LTK: variants seen among roughly 807,000 people sequenced by gnomAD.
The protein encoded by LTK is leukocyte receptor tyrosine kinase.
LTK carries 117 observed loss-of-function variants against 101.5 expected under a neutral mutation model. That is an observed-to-expected ratio of 1.15 (90% CI 0.99 to 1.34). The LOEUF is 1.34. LTK is among the 40% of genes most tolerant of loss of function. LTK has a pLI of 0.00. For synonymous variants in LTK, 563 were observed against 494.2 expected (o/e 1.14, Z -1.85); for missense variants, 1,252 against 1,164.7 (o/e 1.07, Z -1.09).
rs200347907 is a variant in LTK at position 41,512,206 on chromosome 15, T to C, written c.419A>G (p.His140Arg). Residue 140 changes from histidine (H) to arginine (R), a missense_variant, in exon 4 of 20, where the codon CAT (histidine) becomes CGT (arginine). Physicochemically the swap from His to Arg is conservative, Grantham distance 29. Coordinates refer to ENST00000263800, the MANE Select transcript of LTK (RefSeq NM_002344.6). ...GAAGATTGCTGAGACGAAGACGCCA[T>C]GCGCCCGCGACAGGTGGTTCTTGGC... ...KGAKNHLSRA[H>R]GVFVSAIFSL... 3.1e-6 allele frequency: 5 copies of C among 1,612,740 alleles called. No homozygotes were observed. Among genetic ancestry groups the C allele is most frequent in the Non-Finnish European group, 4.2e-6 (5 of 1,179,804 alleles).
In LTK at chr15:41,504,501, C is replaced by T. The variant is rs781055433; in HGVS notation, c.2255+5G>A. 2.1e-5 allele frequency: 34 copies of T among 1,613,042 alleles called. No individual in the cohort carries two copies. The highest frequency in any genetic ancestry group is 2.3e-5 in the Non-Finnish European group (27 of 1,179,484). On this transcript the variant is annotated splice_donor_5th_base_variant and intron_variant, in intron 18 of 19. Coordinates refer to ENST00000263800, the MANE Select transcript of LTK (RefSeq NM_002344.6). ...ACCTCCCTTCCCGGGCAGCACTCAA[C>T]TCACACAGGCCCTGGGCAGCCCCTA... is the stretch of plus-strand genomic sequence containing the variant.
chr15:41,508,454 C>CG (rs3837681), intron 8 of LTK, among the ~76,000 whole-genome samples: 99,040 of 151,534 alleles, frequency 0.65, 33,197 homozygotes, highest in African/African-American at 0.81. Context: ...GCTACTCCAG[C>CG]ACTGAGGCTG....
intron 14 of LTK, 25 bp downstream of exon 14, chr15:41,505,376 G>GA (rs1555390058): frequency 2.0e-6 from 3 of 1,526,274 alleles, no homozygotes; most frequent in East Asian, 5.0e-5. Context: ...AGAGGGGCCT[G>GA]GGGGGGCTAA....
rs369559975 is a variant in LTK at position 41,504,897 on chromosome 15, G to C, written c.2019-23C>G. ...GCCCTACAGGAGGGAGGAGGTGAAT[G>C]ATGAGTTGTTCACCACCAAGGTGCG... On this transcript the variant is annotated intron_variant, in intron 16 of 19. Coordinates refer to ENST00000263800, the MANE Select transcript of LTK (RefSeq NM_002344.6). The C allele has an allele frequency of 7.5e-5, 120 of 1,602,438 alleles. No homozygotes were observed. The East Asian group carries it at 1.6e-3, about 21-fold the overall frequency.
At position 41,505,678 on chromosome 15, in the gene LTK, C is replaced by T. The variant is rs758612715; in HGVS notation, c.1697+35G>A. 18 of 1,612,378 alleles carry T rather than the reference C, an allele frequency of 1.1e-5. No homozygotes were observed. In the East Asian group the frequency reaches 3.6e-4, roughly 32 times the overall value. The stretch of plus-strand genomic sequence containing the variant: ...GAAACTGTTCCCGGGCATTCCCCTC[C>T]CGCCTTCCAGCCCTGCCCCTGGTCC... On this transcript the variant is annotated intron_variant, in intron 13 of 19. Transcript: ENST00000263800.
Position 41,506,421 on chromosome 15 carries a change from C to A in LTK, c.1542-416G>T, listed in dbSNP as rs546847239. On this transcript the variant is annotated intron_variant, in intron 11 of 19. Transcript: ENST00000263800. ...TCGGGTTCAAGTGATTCTCCTGCCT[C>A]AGTCTCCCGAGTAGCTGGGACTACA... 4.6e-5 allele frequency among the ~76,000 whole-genome samples: 7 copies of A among 152,250 alleles called. No individual in the cohort carries two copies. In the East Asian group the frequency reaches 1.4e-3, roughly 29 times the overall value.
At position 41,511,479 on chromosome 15, in the gene LTK, C is replaced by T. The variant is rs751580297; in HGVS notation, c.757G>A (p.Glu253Lys). The change falls in exon 6 of 20, where the codon GAG becomes AAG. Residue 253 changes from glutamate (E) to lysine (K), a missense_variant. Glu to Lys is a moderately conservative substitution (Grantham distance 56). Transcript: ENST00000263800. This position sits in a 1 kb window ranked among gnomAD's most constrained non-coding sequence, Gnocchi z 5.9. ...GCCTCCGAGCGGTTCTCCAGTTTCTCGGGGGAGGCCTGAGTCCGGCCTCGG... is the reference window on the plus strand; with the variant it reads ...GCCTCCGAGCGGTTCTCCAGTTTCTTGGGGGAGGCCTGAGTCCGGCCTCGG... Reference protein sequence around the residue: ...RDRGRTQASPEKLENRSEAPG... With the variant: ...RDRGRTQASPKKLENRSEAPG... 2 of 1,467,272 alleles carry T rather than the reference C, an allele frequency of 1.4e-6. No individual in the cohort carries two copies. The highest frequency in any genetic ancestry group is 1.4e-5 in the South Asian group (1 of 73,810). 90.9% of individuals were successfully genotyped at this position (1,467,272 alleles called of 1,614,324 possible).
At chr15:41,508,640 C>G (rs1407951071) in intron 8 of LTK, among the ~76,000 whole-genome samples, 1 of 151,952 alleles carries the variant, frequency 6.6e-6, no homozygotes, top group African/African-American at 2.4e-5. Context: ...AATTCTAGCC[C>G]AGGACTTTAG....
At chr15:41,513,174 TGAAA>T (rs1343661760) in intron 1 of LTK, 54 bp from the exon 2 acceptor site, 12 of 1,517,644 alleles carry the variant, frequency 7.9e-6, no homozygotes, top group East Asian at 7.3e-5. Flanking sequence ...AAATAGGATA[TGAAA>T]GAAAGAGAGA....
chr15:41,505,728 T>C lies in LTK; in HGVS notation c.1682A>G (p.Glu561Gly). 6.2e-7 allele frequency: 1 copy of C among 1,613,894 alleles called. No individual in the cohort carries two copies. Among genetic ancestry groups the C allele is most frequent in the Non-Finnish European group, 8.5e-7 (1 of 1,179,932 alleles). Residue 561 changes from glutamate to glycine, a missense_variant, in exon 13 of 20, where the codon GAG becomes GGG. By Grantham distance (98) the Glu-to-Gly change is moderately conservative. Transcript: ENST00000263800. ...SPQDELDFLM[E>G]ALIISKFRHQ... ...CCAGGTGCACCTGATGATGAGGGCC[T>C]CCATGAGGAAATCCAGCTCATCCTG... is the stretch of plus-strand genomic sequence containing the variant.
In LTK at chr15:41,512,745, G is replaced by A. The variant is rs1385491907; in HGVS notation, c.321C>T (p.Gly107=). The change falls in exon 3 of 20, where the codon GGC becomes GGT. Residue 107 remains glycine (G), a synonymous_variant. Transcript: ENST00000263800. ...GGCCCGGCACGCGCCACAGCTGCAC[G>A]CCTCTCAGCTGCCCGGCGGCCCCCA... The part of the protein sequence containing the change: ...VTVGAAGQLR[G]VQLWRVPGPG... 6.8e-6 allele frequency: 11 copies of A among 1,607,348 alleles called. No individual in the cohort carries two copies. The highest frequency in any genetic ancestry group is 9.3e-6 in the Non-Finnish European group (11 of 1,178,296).
At chr15:41,506,182 C>T (rs1387793983) in intron 11 of LTK, among the ~76,000 whole-genome samples, 177 bp from the exon 12 acceptor site, 1 of 152,228 alleles carries the variant, frequency 6.6e-6, no homozygotes. Context: ...TGCTCACTGG[C>T]ATAGAGCCAG....
At position 41,507,286 on chromosome 15, in the gene LTK, C is replaced by A; in HGVS notation, c.1350G>T (p.Lys450Asn). Residue 450 changes from lysine (K) to asparagine (N), a missense_variant, in exon 11 of 20, where the codon AAG becomes AAT. By Grantham distance (94) the Lys-to-Asn change is moderately conservative. Coordinates refer to ENST00000263800, the MANE Select transcript of LTK (RefSeq NM_002344.6). ...LMVCGVLILV[K>N]QKKWQGLQEM... ...CCTGCAGGCCCTGCCACTTCTTCTGCTTCACTGGGGGTGGGAAGAATAACG... is the reference window on the plus strand; with the variant it reads ...CCTGCAGGCCCTGCCACTTCTTCTGATTCACTGGGGGTGGGAAGAATAACG... 6.3e-7 allele frequency: 1 copy of A among 1,595,078 alleles called. No individual in the cohort carries two copies. Among genetic ancestry groups the A allele is most frequent in the Non-Finnish European group, 8.5e-7 (1 of 1,171,180 alleles).
chr15:41,512,086 G>A, intron 4 of LTK, 29 bp downstream of exon 4: 1 of 1,548,810 alleles, frequency 6.5e-7, no homozygotes, highest in Non-Finnish European at 8.7e-7. Context: ...CGGCGCCGGC[G>A]CCGCCCCATC....
In LTK at chr15:41,512,247, G is replaced by C; in HGVS notation, c.378C>G (p.Ala126=). The change falls in exon 4 of 20, where the codon GCC becomes GCG. Residue 126 remains alanine, a synonymous_variant. Coordinates refer to ENST00000263800, the MANE Select transcript of LTK (RefSeq NM_002344.6). ...GGTTCTTGGCGCCTTTGCCGCCCGC[G>C]GCTCCGTAGGCTGAGATCCTGCGGG... ...PGQYLISAYG[A]AGGKGAKNHL... 6.2e-7 allele frequency: 1 copy of C among 1,612,462 alleles called. No individual in the cohort carries two copies. Among genetic ancestry groups the C allele is most frequent in the Non-Finnish European group, 8.5e-7 (1 of 1,179,678 alleles).
chr15:41,505,460 G>A lies in LTK; in HGVS notation c.1768C>T (p.Leu590=). The A allele has an allele frequency of 6.2e-7, 1 of 1,614,134 alleles. No individual in the cohort carries two copies. Among genetic ancestry groups the A allele is most frequent in the Non-Finnish European group, 8.5e-7 (1 of 1,180,002 alleles). Reference sequence around the variant, plus strand: ...ATGTCCCCTCCAGACATCAGTTCCAGCAGAATGAGGCGAGGGGTGGCCCTG... The same window carrying A: ...ATGTCCCCTCCAGACATCAGTTCCAACAGAATGAGGCGAGGGGTGGCCCTG... The part of the protein sequence containing the change: ...SLRATPRLIL[L]ELMSGGDMKS... Residue 590 remains leucine (L), a synonymous_variant, in exon 14 of 20, where the codon CTG becomes TTG. Coordinates refer to ENST00000263800, the MANE Select transcript of LTK (RefSeq NM_002344.6).
At position 41,511,518 on chromosome 15, in the gene LTK, G is replaced by A. The variant is rs772000191; in HGVS notation, c.718C>T (p.Leu240=). 26 of 1,478,458 alleles carry A rather than the reference G, an allele frequency of 1.8e-5. No homozygotes were observed. The highest frequency in any genetic ancestry group is 2.2e-5 in the Non-Finnish European group (25 of 1,124,870). The allele number at this position is 1,478,458 out of a possible 1,614,324, so 91.6% of individuals were successfully genotyped here. A position where few individuals can be genotyped will look rare whatever the true frequency, so the allele number is the denominator to read the frequency against. The change falls in exon 6 of 20, where the codon CTG becomes TTG. Residue 240 remains leucine, a synonymous_variant. Coordinates refer to ENST00000263800, the MANE Select transcript of LTK (RefSeq NM_002344.6). The surrounding 1 kb of genome is among the most constrained non-coding windows in gnomAD (Gnocchi z 5.9). The part of the protein sequence containing the change: ...VAAGGGGRAY[L]RPRDRGRTQA... Reference sequence around the variant, plus strand: ...GTCCGGCCTCGGTCCCGCGGCCTCAGGTAGGCCCGACCGCCGCCTCCGGCC... The same window carrying A: ...GTCCGGCCTCGGTCCCGCGGCCTCAAGTAGGCCCGACCGCCGCCTCCGGCC...
chr15:41,507,918 A>G (rs1273127468), intron 9 of LTK, 151 bp downstream of exon 9: 14 of 808,880 alleles, frequency 1.7e-5, no homozygotes, highest in Non-Finnish European at 2.7e-5. Context: ...TCTGAAAGGC[A>G]CTGTGCACCG....
rs1219578101 is a variant in LTK at position 41,513,123 on chromosome 15, G to A, written c.44-3C>T. ...CGGGCTAGAGCAGAGAATGGCGCCT[G>A]AAAGGTGTTGGGAGAAGGCGCAGGA... On this transcript the variant is annotated splice_region_variant and splice_polypyrimidine_tract_variant and intron_variant, in intron 1 of 19. Transcript: ENST00000263800. 9 of 1,595,114 alleles carry A rather than the reference G, an allele frequency of 5.6e-6. No individual in the cohort carries two copies. The highest frequency in any genetic ancestry group is 5.4e-5 in the Admixed American group (3 of 55,974).
Sources: gnomAD v4.1 joint callset for allele counts (sites outside exome capture counted in the v4.1 genomes callset) on GRCh38, gnomAD v4.1.1 for gene constraint, Gnocchi (gnomAD v3.1) non-coding constraint, MANE v1.5 for transcripts, NCBI Gene and HGNC (gene_info 2026-07-23, HGNC 2026-07-21) for gene names.